The following SLC9C1 variants were observed in gnomAD, a reference collection of about 807,000 sequenced individuals.
SLC9C1 encodes sodium/hydrogen exchanger 10.
Under a neutral mutation model 140.9 loss-of-function variants are expected in SLC9C1, and 97 were observed. The observed-to-expected ratio is 0.69, with a 90% confidence interval of 0.58 to 0.82. The LOEUF (loss-of-function observed/expected upper bound fraction) is 0.82. Ranked by LOEUF, SLC9C1 falls within the 40% of genes least tolerant of loss-of-function variation. The probability of loss-of-function intolerance (pLI) is 0.00; values close to 1 mark genes in which losing one functional copy is unlikely to be tolerated. For synonymous variants in SLC9C1, 440 were observed against 442.6 expected (o/e 0.99, Z 0.07); for missense variants, 1,340 against 1,389.3 (o/e 0.96, Z 0.56).
At chr3:112,285,072 C>T (rs1258556625) in intron 2 of SLC9C1, among the ~76,000 whole-genome samples, 7 of 146,504 alleles carry the variant, frequency 4.8e-5, no homozygotes, top group Admixed American at 7.1e-5. Context: ...CTGCAAGCTC[C>T]GCCTCCTGGG....
chr3:112,199,546 T>C (rs1380554229), intron 19 of SLC9C1, 77 bp from the exon 20 acceptor site: 1 of 1,258,576 alleles, frequency 7.9e-7, no homozygotes, highest in Non-Finnish European at 1.1e-6. Flanking sequence ...AAGCTAAGTT[T>C]CTGTTCTAAA....
chr3:112,150,005 G>A (rs2074911136), intron 28 of SLC9C1, among the ~76,000 whole-genome samples: 1 of 152,174 alleles, frequency 6.6e-6, no homozygotes, highest in Non-Finnish European at 1.5e-5. Flanking sequence ...GCTGGCCCTG[G>A]CTGCAAGTCT....
chr3:112,193,333 C>G (rs1390541949), intron 20 of SLC9C1, among the ~76,000 whole-genome samples: 3 of 152,174 alleles, frequency 2.0e-5, no homozygotes, highest in Non-Finnish European at 4.4e-5. Context: ...GGAGGCAGGT[C>G]TGCCTAGGAT....
At position 112,266,304 on chromosome 3, in the gene SLC9C1, G is replaced by A. The variant is rs753468374; in HGVS notation, c.812C>T (p.Ala271Val). 6.2e-7 allele frequency: 1 copy of A among 1,610,328 alleles called. No individual in the cohort carries two copies. The highest frequency in any genetic ancestry group is 1.7e-5 in the Admixed American group (1 of 59,772). The change falls in exon 8 of 29, where the codon GCC becomes GTC. Residue 271 changes from alanine to valine, a missense_variant. By Grantham distance (64) the Ala-to-Val change is moderately conservative (BLOSUM62 0). Coordinates refer to ENST00000305815, the MANE Select transcript of SLC9C1 (RefSeq NM_183061.3). ...AGAATTTAAAAGAAGTCCCACAATG[G>A]CCAGAGTAAATATTCCTGACATTCC... is the stretch of plus-strand genomic sequence containing the variant. ...LVGMSGIFTL[A>V]IVGLLLNSTS...
chr3:112,288,269 A>C, intron 1 of SLC9C1, among the ~76,000 whole-genome samples: 1 of 152,206 alleles, frequency 6.6e-6, no homozygotes. Context: ...ATATGTAAAC[A>C]AGTATTTCAA....
chr3:112,271,569 G>A (rs2080079993), intron 6 of SLC9C1, among the ~76,000 whole-genome samples: 1 of 151,994 alleles, frequency 6.6e-6, no homozygotes, highest in Non-Finnish European at 1.5e-5. Flanking sequence ...CCACGCTTAA[G>A]TTTGTAAAAT....
Position 112,167,302 on chromosome 3 carries a change from G to T in SLC9C1, c.3283C>A (p.Pro1095Thr). The stretch of plus-strand genomic sequence containing the variant: ...CTTCTGAATGTTTTCATGTTAATCG[G>T]AGTTTGAATAATCACTACTTTTGTG... ...DFTKVVIIQT[P>T]INMKTFRRNI... Residue 1095 changes from proline (P) to threonine (T), a missense_variant, in exon 26 of 29, where the codon CCG becomes ACG. Coordinates refer to ENST00000305815, the MANE Select transcript of SLC9C1 (RefSeq NM_183061.3). 1 of 1,606,586 alleles carries T rather than the reference G, an allele frequency of 6.2e-7. No individual in the cohort carries two copies. The highest frequency in any genetic ancestry group is 8.5e-7 in the Non-Finnish European group (1 of 1,177,062).
At chr3:112,283,833 A>G (rs576531822) in intron 2 of SLC9C1, among the ~76,000 whole-genome samples, 9 of 138,028 alleles carry the variant, frequency 6.5e-5, no homozygotes, top group African/African-American at 2.2e-4. Context: ...TTAGTCCACA[A>G]ATCACTGTGC....
Position 112,199,569 on chromosome 3 carries a change from C to T in SLC9C1, c.2375-100G>A, listed in dbSNP as rs908555113. On this transcript the variant is annotated intron_variant, in intron 19 of 28. Transcript: ENST00000305815. ...TTTCTGTTCTAAACCCATGGAATACCGCCCTCAACACAGAGAAATGTATCT... is the reference window on the plus strand; with the variant it reads ...TTTCTGTTCTAAACCCATGGAATACTGCCCTCAACACAGAGAAATGTATCT... The T allele has an allele frequency of 4.9e-5, 42 of 858,020 alleles. No individual in the cohort carries two copies. In the Admixed American group the frequency reaches 8.6e-4, roughly 18 times the overall value. The allele number at this position is 858,020 out of a possible 1,614,324, so 53.2% of individuals were successfully genotyped here.
intron 12 of SLC9C1, among the ~76,000 whole-genome samples, chr3:112,239,070 G>T (rs2079070432): frequency 6.6e-6 from 1 of 152,196 alleles, no homozygotes; most frequent in African/African-American, 2.4e-5. Context: ...GTCTACAGAG[G>T]CAGGCAGGCC....
At position 112,180,546 on chromosome 3, in the gene SLC9C1, C is replaced by T; in HGVS notation, c.2748+18G>A. 7.0e-6 allele frequency: 11 copies of T among 1,574,892 alleles called. No individual in the cohort carries two copies. Among genetic ancestry groups the T allele is most frequent in the Non-Finnish European group, 8.6e-6 (10 of 1,164,424 alleles). ...CTCAAAACAAAAAAACAAAACAAAA[C>T]AAAAACCTCTGCCTTACCTTTACCA... On this transcript the variant is annotated intron_variant, in intron 22 of 28. Transcript: ENST00000305815.
At chr3:112,176,412 G>A (rs944812203) in intron 23 of SLC9C1, among the ~76,000 whole-genome samples, 7 of 152,248 alleles carry the variant, frequency 4.6e-5, no homozygotes, top group South Asian at 2.1e-4. Context: ...CTGTGAGAGC[G>A]GCACACACCA....
chr3:112,169,480 A>G lies in SLC9C1; in HGVS notation c.2920-152T>C, dbSNP rs544116761. 5.2e-5 allele frequency: 39 copies of G among 744,508 alleles called. 1 individual carries two copies. The South Asian group carries it at 8.6e-4, about 16-fold the overall frequency. 46.1% of individuals were successfully genotyped at this position (744,508 alleles called of 1,614,324 possible). A position where few individuals can be genotyped will look rare whatever the true frequency, so the allele number is the denominator to read the frequency against. ...GAAACTTAGTAAAATGTGTCTATCA[A>G]TGAAAATTGGTGTGTCCTTTCCCTA... is the stretch of plus-strand genomic sequence containing the variant. On this transcript the variant is annotated intron_variant, in intron 23 of 28. Coordinates refer to ENST00000305815, the MANE Select transcript of SLC9C1 (RefSeq NM_183061.3).
intron 26 of SLC9C1, among the ~76,000 whole-genome samples, chr3:112,163,207 C>G (rs1433688982): frequency 1.4e-5 from 2 of 147,058 alleles, no homozygotes; most frequent in African/African-American, 2.5e-5. Context: ...TTTTGTTGAT[C>G]CTTTCAAAAA....
At chr3:112,291,210 G>A (rs907795272) in intron 1 of SLC9C1, among the ~76,000 whole-genome samples, 1 of 152,054 alleles carries the variant, frequency 6.6e-6, no homozygotes, top group African/African-American at 2.4e-5. Context: ...ATAGGAGTGG[G>A]CTAAGGTTTC....
chr3:112,223,480 C>T (rs1032080068), intron 13 of SLC9C1, among the ~76,000 whole-genome samples: 3 of 152,090 alleles, frequency 2.0e-5, no homozygotes, highest in African/African-American at 4.8e-5. Flanking sequence ...CTATAGTTAA[C>T]ATTTTAGTTA....
At chr3:112,271,324 A>G (rs1291309643) in intron 6 of SLC9C1, among the ~76,000 whole-genome samples, 3 of 150,614 alleles carry the variant, frequency 2.0e-5, no homozygotes, top group Non-Finnish European at 4.4e-5. Flanking sequence ...TAAATTTCAA[A>G]TCTCTCATCA....
chr3:112,197,269 A>G (rs1482518661), intron 20 of SLC9C1, among the ~76,000 whole-genome samples: 1 of 152,188 alleles, frequency 6.6e-6, no homozygotes, highest in African/African-American at 2.4e-5. Flanking sequence ...AAGAGGTTAA[A>G]AAAAGTGTTG....
intron 28 of SLC9C1, among the ~76,000 whole-genome samples, chr3:112,146,336 ATTTCT>A (rs1454826049): frequency 1.3e-5 from 2 of 150,784 alleles, no homozygotes; most frequent in African/African-American, 4.9e-5. Flanking sequence ...GATTTTAGTT[ATTTCT>A]TTTCTTCTGC....
Sources: gnomAD v4.1 joint callset for allele counts (sites outside exome capture counted in the v4.1 genomes callset) on GRCh38, gnomAD v4.1.1 for gene constraint, MANE v1.5 for transcripts, NCBI Gene and HGNC (gene_info 2026-07-23, HGNC 2026-07-21) for gene names.